The following CSGALNACT1 variants were observed in gnomAD, a reference collection of about 807,000 sequenced individuals.
CSGALNACT1 encodes chondroitin sulfate N-acetylgalactosaminyltransferase 1.
A neutral mutation model predicts 51.0 loss-of-function variants in CSGALNACT1; 52 were observed. The ratio of observed to expected loss-of-function variants is 1.02; its 90% CI spans 0.82 to 1.29. The LOEUF (loss-of-function observed/expected upper bound fraction) is 1.29, where lower values mean the gene tolerates loss of function less well. Among genes scored for constraint, CSGALNACT1 ranks in the 50% most tolerant of loss-of-function variants. The pLI, the probability that CSGALNACT1 is intolerant of heterozygous loss-of-function variation, is 0.00. For missense variants in CSGALNACT1, 935 were observed against 679.2 expected, an observed-to-expected ratio of 1.38 and a Z score of -4.19; for synonymous variants, 341 against 254.4, an observed-to-expected ratio of 1.34 and a Z score of -3.24.
At chr8:19,618,431 A>G (rs935075468) in intron 1 of CSGALNACT1, among the ~76,000 whole-genome samples, 1 of 152,026 alleles carries the variant, frequency 6.6e-6, no homozygotes, top group African/African-American at 2.4e-5. Context: ...ACTTGAGGTC[A>G]GGAGTTCAAG....
chr8:19,502,054 C>T (rs74544767), intron 4 of CSGALNACT1, among the ~76,000 whole-genome samples: 6,429 of 152,316 alleles, frequency 0.042, 430 homozygotes, highest in African/African-American at 0.14. Context: ...AATTAGACAT[C>T]TGTCTGATAT....
At chr8:19,688,600 T>C (rs554469172) in intron 1 of CSGALNACT1, 4 of 152,332 alleles carry the variant, frequency 2.6e-5, no homozygotes, top group Non-Finnish European at 5.9e-5. Context: ...ATACTTTGCA[T>C]TGACTCCTTC....
intron 3 of CSGALNACT1, among the ~76,000 whole-genome samples, chr8:19,553,596 A>AT (rs1564019100): frequency 9.7e-5 from 12 of 123,772 alleles, no homozygotes; most frequent in African/African-American, 3.6e-4. Context: ...TATATATATA[A>AT]AAATACATTT....
intron 6 of CSGALNACT1, among the ~76,000 whole-genome samples, chr8:19,439,453 G>T (rs78968865): frequency 1.3e-5 from 2 of 152,166 alleles, no homozygotes; most frequent in Admixed American, 6.5e-5. Context: ...TGGCTGAGAC[G>T]GAGCTCACTG....
intron 1 of CSGALNACT1, among the ~76,000 whole-genome samples, chr8:19,671,326 T>G (rs1443941911): frequency 6.6e-6 from 1 of 152,154 alleles, no homozygotes; most frequent in Admixed American, 6.5e-5. Flanking sequence ...ATTCAGCCAT[T>G]CCCTATGGAT....
intron 1 of CSGALNACT1, among the ~76,000 whole-genome samples, chr8:19,633,680 T>C (rs556192157): frequency 1.3e-5 from 2 of 152,334 alleles, no homozygotes; most frequent in African/African-American, 2.4e-5. Context: ...TCCAGACTTT[T>C]AGCTTTCAGA....
intron 4 of CSGALNACT1, among the ~76,000 whole-genome samples, chr8:19,491,962 G>C (rs2074441241): frequency 6.6e-6 from 1 of 152,154 alleles, no homozygotes; most frequent in South Asian, 2.1e-4. Context: ...GATTTCTTTA[G>C]ACATGGATGG....
chr8:19,445,702 C>G (rs2061999909), intron 5 of CSGALNACT1, among the ~76,000 whole-genome samples: 1 of 152,202 alleles, frequency 6.6e-6, no homozygotes, highest in Admixed American at 6.5e-5. Context: ...ATATAACTAA[C>G]AAGTACTTTA....
intron 1 of CSGALNACT1, among the ~76,000 whole-genome samples, chr8:19,696,301 T>C (rs1443519109): frequency 2.0e-5 from 3 of 152,240 alleles, no homozygotes; most frequent in African/African-American, 7.2e-5. Flanking sequence ...TAAAGCAAGA[T>C]AATGTGTGTC....
chr8:19,704,981 A>T (rs774509191), intron 1 of CSGALNACT1, among the ~76,000 whole-genome samples: 5 of 152,232 alleles, frequency 3.3e-5, no homozygotes, highest in Non-Finnish European at 5.9e-5. Context: ...CAAACTTTCC[A>T]TTACAAGATG....
intron 4 of CSGALNACT1, among the ~76,000 whole-genome samples, chr8:19,488,743 A>G (rs1185050372): frequency 2.6e-5 from 4 of 152,184 alleles, no homozygotes; most frequent in Admixed American, 6.5e-5. Flanking sequence ...ATAGTTTATA[A>G]CAACCCGACA....
At chr8:19,727,321 T>A (rs1301881849) in intron 1 of CSGALNACT1, among the ~76,000 whole-genome samples, 1 of 112,348 alleles carries the variant, frequency 8.9e-6, no homozygotes, top group East Asian at 3.4e-4. Flanking sequence ...TGTTTTGTTT[T>A]GTTTGATTTG....
At chr8:19,677,971 C>CT (rs146562678) in intron 1 of CSGALNACT1, among the ~76,000 whole-genome samples, 4,806 of 152,122 alleles carry the variant, frequency 0.032, 269 homozygotes, top group African/African-American at 0.11. Flanking sequence ...AAAAAATTAG[C>CT]TGGATGTGGT....
At chr8:19,477,570 T>G (rs1001280462) in intron 4 of CSGALNACT1, among the ~76,000 whole-genome samples, 3 of 152,188 alleles carry the variant, frequency 2.0e-5, no homozygotes, top group Non-Finnish European at 4.4e-5. Flanking sequence ...CTGGTTAACT[T>G]GGGAGACATA....
At chr8:19,449,493 C>A (rs2062709388) in intron 5 of CSGALNACT1, among the ~76,000 whole-genome samples, 1 of 152,124 alleles carries the variant, frequency 6.6e-6, no homozygotes, top group Non-Finnish European at 1.5e-5. Context: ...TCATATATAC[C>A]AGCCTCACTA....
chr8:19,451,650 A>G (rs1409792990), intron 5 of CSGALNACT1, among the ~76,000 whole-genome samples: 1 of 152,174 alleles, frequency 6.6e-6, no homozygotes, highest in Non-Finnish European at 1.5e-5. Context: ...CTTCCCCAAG[A>G]CCGCTTTGTG....
chr8:19,422,381 G>C lies in CSGALNACT1; in HGVS notation c.954-1863C>G, dbSNP rs148609234. Among the ~76,000 whole-genome samples the C allele has an allele frequency of 2.8e-3, 421 of 152,204 alleles. 4 individuals are homozygous for C. Among genetic ancestry groups the C allele is most frequent in the African/African-American group, 1.0e-2 (414 of 41,536 alleles). On this transcript the variant is annotated intron_variant, in intron 6 of 9. Coordinates refer to ENST00000454498, the Ensembl canonical transcript of CSGALNACT1. Reference sequence around the variant, plus strand: ...CTAATTCTTAAAAATTTTTTATAGAGACAGAGTCTCACTTTGTTGCCCAAC... The same window carrying C: ...CTAATTCTTAAAAATTTTTTATAGACACAGAGTCTCACTTTGTTGCCCAAC...
At chr8:19,725,279 G>A (rs2063337671) in intron 1 of CSGALNACT1, among the ~76,000 whole-genome samples, 1 of 152,218 alleles carries the variant, frequency 6.6e-6, no homozygotes, top group African/African-American at 2.4e-5. Flanking sequence ...GGAAGGCATA[G>A]CTATAAGAAT....
At chr8:19,507,654 G>A (rs2077623710) in intron 3 of CSGALNACT1, among the ~76,000 whole-genome samples, 1 of 151,730 alleles carries the variant, frequency 6.6e-6, no homozygotes, top group South Asian at 2.1e-4. Context: ...TGTCGAGACA[G>A]AGTCTCGCTC....
Sources: gnomAD v4.1 joint callset for allele counts (sites outside exome capture counted in the v4.1 genomes callset) on GRCh38, gnomAD v4.1.1 for gene constraint, MANE v1.5 for transcripts, NCBI Gene and HGNC (gene_info 2026-07-23, HGNC 2026-07-21) for gene names.